EFCC1: variants seen among roughly 807,000 people sequenced by gnomAD.
EFCC1 encodes the protein EF-hand and coiled-coil domain containing 1.
EFCC1 carries 50 observed loss-of-function variants against 52.1 expected under a neutral mutation model. That is an observed-to-expected ratio of 0.96 (90% CI 0.76 to 1.21). The LOEUF is 1.21. EFCC1 is among the 50% of genes most tolerant of loss of function. The probability of loss-of-function intolerance (pLI) is 0.00; values close to 1 mark genes in which losing one functional copy is unlikely to be tolerated. For missense variants in EFCC1, 837 were observed against 867.3 expected (o/e 0.97, Z 0.44); for synonymous variants, 399 against 396.5 (o/e 1.01, Z -0.08).
At chr3:129,036,827 C>A in intron 5 of EFCC1, 150 bp from the exon 6 acceptor site, 2 of 1,072,380 alleles carry the variant, frequency 1.9e-6, no homozygotes, top group Non-Finnish European at 2.7e-6. Flanking sequence ...ACAACTCTTA[C>A]ATCAGTCCAA....
chr3:129,003,338 A>G (rs570504457), intron 1 of EFCC1: 1 of 956,012 alleles, frequency 1.0e-6, no homozygotes, highest in Non-Finnish European at 1.2e-6. Context: ...GGCTCTGGGA[A>G]CACACCAGTA....
intron 2 of EFCC1, among the ~76,000 whole-genome samples, chr3:129,009,919 G>A (rs569827435): frequency 6.6e-6 from 1 of 152,320 alleles, no homozygotes; most frequent in Non-Finnish European, 1.5e-5. Context: ...GGGCTCACTG[G>A]GGAGGGTGGA....
intron 5 of EFCC1, among the ~76,000 whole-genome samples, chr3:129,036,742 A>G (rs543711596): frequency 1.3e-5 from 2 of 152,308 alleles, no homozygotes; most frequent in South Asian, 4.1e-4. Flanking sequence ...TTCCCACTAA[A>G]CTTAATTTGT....
At chr3:129,027,271 C>T (rs868722203) in intron 2 of EFCC1, among the ~76,000 whole-genome samples, 2 of 152,178 alleles carry the variant, frequency 1.3e-5, no homozygotes, top group Non-Finnish European at 2.9e-5. Context: ...GCGGTGCTCG[C>T]AGCCGAGGTG....
At chr3:129,015,247 T>A (rs60556959) in intron 2 of EFCC1, among the ~76,000 whole-genome samples, 2,333 of 151,976 alleles carry the variant, frequency 0.015, 56 homozygotes, top group African/African-American at 0.054. Flanking sequence ...CCCTCCACCA[T>A]CCCCAAGCCT....
chr3:129,002,439 G>A (rs1391354026), intron 1 of EFCC1, 115 bp downstream of exon 1: 1 of 1,401,522 alleles, frequency 7.1e-7, no homozygotes, highest in Non-Finnish European at 9.2e-7. Flanking sequence ...ACAGAGGGCA[G>A]CCCCACACCA....
intron 7 of EFCC1, among the ~76,000 whole-genome samples, chr3:129,039,400 G>A (rs1946396104): frequency 6.6e-6 from 1 of 152,204 alleles, no homozygotes; most frequent in Non-Finnish European, 1.5e-5. Context: ...TGCCTCACGG[G>A]TCTTCACAGG....
chr3:129,029,732 G>C (rs983172887), intron 2 of EFCC1, among the ~76,000 whole-genome samples: 2 of 151,730 alleles, frequency 1.3e-5, no homozygotes, highest in East Asian at 3.9e-4. Flanking sequence ...TTACAGGTGT[G>C]TGCCACCACA....
chr3:129,026,014 C>A (rs897028789), intron 2 of EFCC1, among the ~76,000 whole-genome samples: 2 of 152,242 alleles, frequency 1.3e-5, no homozygotes, highest in Admixed American at 6.5e-5. Context: ...TCCCGCGGTG[C>A]GGCTCCAGCA....
intron 2 of EFCC1, among the ~76,000 whole-genome samples, chr3:129,009,881 G>A (rs149575825): frequency 2.0e-4 from 31 of 152,264 alleles, no homozygotes; most frequent in Middle Eastern, 3.4e-3. Flanking sequence ...CTGTAACCTC[G>A]CCAACCTGTG....
intron 2 of EFCC1, among the ~76,000 whole-genome samples, chr3:129,016,119 T>C (rs1945571048): frequency 6.6e-6 from 1 of 152,218 alleles, no homozygotes; most frequent in Admixed American, 6.5e-5. Context: ...AATGGGCTTT[T>C]GATGCGTCCC....
At chr3:129,037,191 G>C (rs922205489) in intron 6 of EFCC1, 74 bp downstream of exon 6, 3 of 1,492,240 alleles carry the variant, frequency 2.0e-6, no homozygotes, top group Non-Finnish European at 2.7e-6. Flanking sequence ...CTTGTGTCAG[G>C]CACCAGGCTC....
intron 2 of EFCC1, among the ~76,000 whole-genome samples, chr3:129,024,624 A>G (rs1328070893): frequency 1.3e-5 from 2 of 152,198 alleles, no homozygotes; most frequent in Admixed American, 1.3e-4. Context: ...ATCTGGCCAT[A>G]GGCTTCTTGG....
At position 129,002,054 on chromosome 3, in the gene EFCC1, C is replaced by A; in HGVS notation, c.426C>A (p.Phe142Leu). Reference protein sequence around the residue: ...ALRAEPPELTFRQFHARLCGY... With the variant: ...ALRAEPPELTLRQFHARLCGY... ...GCGCCGAGCCGCCGGAGCTCACCTT[C>A]CGCCAGTTCCACGCGCGCCTCTGTG... Residue 142 changes from phenylalanine to leucine, a missense_variant, in exon 1 of 8, where the codon TTC becomes TTA. Coordinates refer to ENST00000683648, the MANE Select transcript of EFCC1 (RefSeq NM_001377500.1). The A allele has an allele frequency of 1.9e-6, 3 of 1,540,266 alleles. No individual in the cohort carries two copies. Among genetic ancestry groups the A allele is most frequent in the Non-Finnish European group, 2.6e-6 (3 of 1,143,058 alleles).
In EFCC1 at chr3:129,001,354, C is replaced by T. The variant is rs1348021203; in HGVS notation, c.-275C>T. ...AGGAGAGGAGAGCGTGGGAGTCACGCGGAGAAGCCAGACCCAGACGCCGAC... is the reference window on the plus strand; with the variant it reads ...AGGAGAGGAGAGCGTGGGAGTCACGTGGAGAAGCCAGACCCAGACGCCGAC... On this transcript the variant is annotated 5_prime_UTR_variant, in exon 1 of 8. Transcript: ENST00000683648. Among the ~76,000 whole-genome samples, 1 of 152,230 alleles carries T rather than the reference C, an allele frequency of 6.6e-6. No individual in the cohort carries two copies.
chr3:129,036,032 G>A (rs184700842), intron 5 of EFCC1, among the ~76,000 whole-genome samples: 3 of 152,322 alleles, frequency 2.0e-5, no homozygotes, highest in African/African-American at 7.2e-5. Context: ...CTCCACCACC[G>A]CTCTGGTTTC....
At chr3:129,023,734 GTAAA>G (rs1196457213) in intron 2 of EFCC1, among the ~76,000 whole-genome samples, 1 of 152,176 alleles carries the variant, frequency 6.6e-6, no homozygotes, top group Non-Finnish European at 1.5e-5. Context: ...ATATGTATTA[GTAAA>G]TAAAAGGACA....
At chr3:129,035,764 C>T (rs902208181) in intron 5 of EFCC1, among the ~76,000 whole-genome samples, 2 of 152,148 alleles carry the variant, frequency 1.3e-5, no homozygotes, top group East Asian at 1.9e-4. Flanking sequence ...CATGGCATGG[C>T]GGTTATGTGC....
chr3:129,034,182 G>A lies in EFCC1; in HGVS notation c.1305G>A (p.Ala435=), dbSNP rs370363130. The A allele has an allele frequency of 1.6e-5, 26 of 1,614,108 alleles. No individual in the cohort carries two copies. Among genetic ancestry groups the A allele is most frequent in the African/African-American group, 6.7e-5 (5 of 74,920 alleles). The change falls in exon 5 of 8, where the codon GCG becomes GCA. Residue 435 remains alanine (A), a synonymous_variant. Coordinates refer to ENST00000683648, the MANE Select transcript of EFCC1 (RefSeq NM_001377500.1). ...GCTGCAGGTGTGATGACCAGACGGC[G>A]GAGAAGCTCATGACTTACTTTGGTC... ...SCRGRCDDQT[A]EKLMTYFGHF...
Sources: allele counts gnomAD v4.1 joint callset (sites outside exome capture counted in the v4.1 genomes callset), GRCh38; gene constraint gnomAD v4.1.1; transcripts MANE v1.5; gene names NCBI Gene and HGNC (gene_info 2026-07-23, HGNC 2026-07-21).